The following ASXL1 variants were observed in gnomAD, a reference collection of about 807,000 sequenced individuals.
ASXL1 encodes polycomb group protein ASXL1.
In ASXL1, 65 loss-of-function variants were observed where a neutral mutation model predicts 89.1. The ratio of observed to expected loss-of-function variants is 0.73; its 90% CI spans 0.60 to 0.90. ASXL1 has a LOEUF of 0.90. Ranked by LOEUF, ASXL1 falls within the 40% of genes least tolerant of loss-of-function variation. The probability of loss-of-function intolerance (pLI) is 0.00; values close to 1 mark genes in which losing one functional copy is unlikely to be tolerated. For missense variants in ASXL1, 1,786 were observed against 1,942.9 expected (o/e 0.92, Z 1.52); for synonymous variants, 739 against 746.9 (o/e 0.99, Z 0.17).
Position 32,434,561 on chromosome 20 carries a change from A to AAT in ASXL1, c.1849_1850insAT (p.Ile617AsnfsTer87). The AAT allele has an allele frequency of 6.2e-7, 1 of 1,613,608 alleles. No homozygotes were observed. ...GACTGGCGCCAGGACCCTCGCAGAC[A>AAT]TTAAAGCCCGTGCTCTGCAGGTCCG... On this transcript the variant is annotated frameshift_variant, in exon 13 of 13. Coordinates refer to ENST00000375687, the MANE Select transcript of ASXL1 (RefSeq NM_015338.6). LOFTEE classifies it low-confidence loss of function (END_TRUNC).
intron 4 of ASXL1, among the ~76,000 whole-genome samples, chr20:32,374,083 G>C (rs1194527330): frequency 6.6e-6 from 1 of 152,076 alleles, no homozygotes; most frequent in Non-Finnish European, 1.5e-5. Context: ...TACAATCATG[G>C]CTCACTGCAC....
At chr20:32,390,132 T>G (rs1021635557) in intron 4 of ASXL1, among the ~76,000 whole-genome samples, 1 of 152,210 alleles carries the variant, frequency 6.6e-6, no homozygotes, top group Non-Finnish European at 1.5e-5. Context: ...TTAGCCTACC[T>G]TAAATGCACT....
In ASXL1 at chr20:32,433,719, T is replaced by G. The variant is rs764873181; in HGVS notation, c.1521T>G (p.Ile507Met). The change falls in exon 12 of 13, where the codon ATT becomes ATG. Residue 507 changes from isoleucine (I) to methionine (M), a missense_variant. Physicochemically the swap from Ile to Met is conservative, Grantham distance 10 (BLOSUM62 1). Around this residue, in one of 3 missense-constraint regions of ASXL1, gnomAD observed 1,418 missense variants for 1,427.8 expected, o/e 0.99. Transcript: ENST00000375687. The stretch of plus-strand genomic sequence containing the variant: ...GTGCCTCTGCATCTCCAGACAGAAT[T>G]CCTAGCCTGCCTCAGGAAACTGTGG... ...LARASASPDRIPSLPQETVDQ... is the reference protein window; with the variant it reads ...LARASASPDRMPSLPQETVDQ... The G allele has an allele frequency of 5.0e-6, 8 of 1,613,148 alleles. No homozygotes were observed. The highest frequency in any genetic ancestry group is 5.9e-6 in the Non-Finnish European group (7 of 1,179,442).
intron 4 of ASXL1, among the ~76,000 whole-genome samples, chr20:32,384,381 T>C (rs889700160): frequency 6.6e-6 from 1 of 152,012 alleles, no homozygotes. Context: ...TCTGTATTTT[T>C]AATAGAGATG....
chr20:32,411,046 A>T (rs1199530377), intron 4 of ASXL1, among the ~76,000 whole-genome samples: 1 of 109,280 alleles, frequency 9.2e-6, no homozygotes, highest in African/African-American at 3.4e-5. Flanking sequence ...AAAAAAAAAA[A>T]TAAAAAAAAT....
rs1303598926 is a variant in ASXL1 at position 32,398,612 on chromosome 20, T to TG, written c.252+29489_252+29490insG. Reference sequence around the variant, plus strand: ...TTTGTTTTTTTTGTTTGTTTTTTTTTTTGTTTTTTTTTTTTGAGACGGAGT... The same window carrying TG: ...TTTGTTTTTTTTGTTTGTTTTTTTTTGTTGTTTTTTTTTTTTGAGACGGAGT... On this transcript the variant is annotated intron_variant, in intron 4 of 12. Transcript: ENST00000375687. Among the ~76,000 whole-genome samples, 26 of 147,422 alleles carry TG rather than the reference T, an allele frequency of 1.8e-4. No individual in the cohort carries two copies. The East Asian group carries it at 1.8e-3, about 10-fold the overall frequency.
intron 1 of ASXL1, among the ~76,000 whole-genome samples, chr20:32,363,953 G>C (rs1288771316): frequency 3.9e-5 from 6 of 152,216 alleles, no homozygotes; most frequent in Non-Finnish European, 7.3e-5. Flanking sequence ...TGCCAGGCCA[G>C]TGAGCACCTA....
chr20:32,401,557 C>T (rs6087381), intron 4 of ASXL1, among the ~76,000 whole-genome samples: 14 of 141,286 alleles, frequency 9.9e-5, no homozygotes, highest in Non-Finnish European at 1.7e-4. Context: ...TTTTCCCCCC[C>T]CCCCTTTTTT....
intron 2 of ASXL1, among the ~76,000 whole-genome samples, chr20:32,367,101 G>A (rs1051830788): frequency 5.3e-5 from 8 of 152,062 alleles, no homozygotes; most frequent in Non-Finnish European, 8.8e-5. Context: ...AAAAAAGCTG[G>A]GGGTAGTGGC....
intron 4 of ASXL1, among the ~76,000 whole-genome samples, chr20:32,410,957 T>A (rs1210750108): frequency 1.4e-5 from 2 of 143,732 alleles, no homozygotes; most frequent in African/African-American, 5.2e-5. Context: ...GCTTGAACCC[T>A]GGAGATGGAG....
intron 4 of ASXL1, among the ~76,000 whole-genome samples, chr20:32,384,211 T>G (rs1049983112): frequency 2.1e-5 from 3 of 140,582 alleles, no homozygotes; most frequent in African/African-American, 8.5e-5. Context: ...TTTTTTTTTT[T>G]TTTTTTTTTT....
intron 4 of ASXL1, among the ~76,000 whole-genome samples, chr20:32,384,575 C>T (rs941050700): frequency 5.3e-5 from 8 of 152,164 alleles, no homozygotes; most frequent in Non-Finnish European, 1.0e-4. Flanking sequence ...AAGGACATCT[C>T]GATCTGTCTT....
At chr20:32,423,994 T>G (rs1300072669) in intron 4 of ASXL1, among the ~76,000 whole-genome samples, 1 of 152,228 alleles carries the variant, frequency 6.6e-6, no homozygotes, top group East Asian at 1.9e-4. Flanking sequence ...CTTTAGAAAC[T>G]TCTGGGTAGT....
chr20:32,421,757 A>G (rs2049254438), intron 4 of ASXL1, among the ~76,000 whole-genome samples: 2 of 152,150 alleles, frequency 1.3e-5, no homozygotes, highest in Admixed American at 6.5e-5. Context: ...AAAAGAATAT[A>G]TATGTATGAG....
intron 4 of ASXL1, among the ~76,000 whole-genome samples, chr20:32,378,945 C>T (rs377022647): frequency 8.6e-5 from 13 of 151,608 alleles, no homozygotes; most frequent in African/African-American, 2.4e-4. Flanking sequence ...CTGGCTAACA[C>T]GGCGAAGCCC....
At chr20:32,399,455 A>G (rs1600525066) in intron 4 of ASXL1, among the ~76,000 whole-genome samples, 1 of 143,268 alleles carries the variant, frequency 7.0e-6, no homozygotes, top group South Asian at 2.2e-4. Context: ...TGGTTCATTG[A>G]TGTTCTTGGA....
intron 4 of ASXL1, among the ~76,000 whole-genome samples, chr20:32,404,661 A>T (rs924472240): frequency 6.6e-6 from 1 of 151,914 alleles, no homozygotes; most frequent in Non-Finnish European, 1.5e-5. Context: ...ACTAGCTGGG[A>T]CTTGTTTGCT....
rs2123261788 is a variant in ASXL1 at position 32,433,601 on chromosome 20, G to A, written c.1403G>A (p.Gly468Asp). The A allele has an allele frequency of 1.2e-6, 2 of 1,614,082 alleles. No individual in the cohort carries two copies. The highest frequency in any genetic ancestry group is 3.3e-5 in the Admixed American group (2 of 60,018). The change falls in exon 12 of 13, where the codon GGC (glycine) becomes GAC (aspartate). Residue 468 changes from glycine (G) to aspartate (D), a missense_variant. Around this residue, in one of 3 missense-constraint regions of ASXL1, gnomAD observed 1,418 missense variants for 1,427.8 expected, o/e 0.99. Transcript: ENST00000375687. ...PAGLSSPHLPGTSSAAPDLEG... is the reference protein window; with the variant it reads ...PAGLSSPHLPDTSSAAPDLEG... ...GGGCTGAGCAGTCCCCATCTGCCAG[G>A]CACATCCTCTGCAGCACCCGACCTG...
chr20:32,436,126 T>C lies in ASXL1; in HGVS notation c.3414T>C (p.Leu1138=). 6.2e-7 allele frequency: 1 copy of C among 1,614,150 alleles called. No individual in the cohort carries two copies. The highest frequency in any genetic ancestry group is 8.5e-7 in the Non-Finnish European group (1 of 1,180,022). The change falls in exon 13 of 13, where the codon CTT becomes CTC. Residue 1138 remains leucine, a synonymous_variant. Coordinates refer to ENST00000375687, the MANE Select transcript of ASXL1 (RefSeq NM_015338.6). ...DSMSESPQVP[L]TKDQSHGSLR... ...TGTCAGAATCCCCACAAGTACCACT[T>C]ACAAAAGACCAGAGCCATGGCTCGC...
Sources: gnomAD v4.1 joint callset for allele counts (sites outside exome capture counted in the v4.1 genomes callset) on GRCh38, gnomAD v4.1.1 for gene constraint, gnomAD v4.1.1 regional missense constraint, MANE v1.5 for transcripts, NCBI Gene and HGNC (gene_info 2026-07-23, HGNC 2026-07-21) for gene names.